The following TMEM161B variants were observed in gnomAD, a reference collection of about 807,000 sequenced individuals.
The protein encoded by TMEM161B is transmembrane protein 161B.
In TMEM161B, 34 loss-of-function variants were observed where a neutral mutation model predicts 61.8. The ratio of observed to expected loss-of-function variants is 0.55; its 90% CI spans 0.42 to 0.73. TMEM161B has a LOEUF of 0.73. Among genes scored for constraint, TMEM161B ranks in the 30% least tolerant of loss-of-function variants. The pLI is 0.00. For synonymous variants in TMEM161B, 167 were observed against 192.8 expected (o/e 0.87, Z 1.11); for missense variants, 456 against 558.5 (o/e 0.82, Z 1.85).
At chr5:88,261,194 A>G (rs1362120363) in intron 1 of TMEM161B, among the ~76,000 whole-genome samples, 1 of 152,160 alleles carries the variant, frequency 6.6e-6, no homozygotes, top group Non-Finnish European at 1.5e-5. Flanking sequence ...AAAAATGAAT[A>G]CTTTGGTATA....
downstream of TMEM161B, among the ~76,000 whole-genome samples, chr5:88,186,459 G>C (rs1458980611): frequency 6.6e-6 from 1 of 152,102 alleles, no homozygotes; most frequent in East Asian, 1.9e-4. Flanking sequence ...CAACTGTGAA[G>C]TGCCTATTCA....
intron 1 of TMEM161B, among the ~76,000 whole-genome samples, chr5:88,260,610 C>T (rs962050681): frequency 6.6e-6 from 1 of 152,098 alleles, no homozygotes; most frequent in African/African-American, 2.4e-5. Flanking sequence ...TGCCAGCACG[C>T]CTCACTAATT....
intron 4 of TMEM161B, among the ~76,000 whole-genome samples, chr5:88,224,958 TG>T (rs1213751171): frequency 1.4e-5 from 2 of 142,812 alleles, no homozygotes; most frequent in Non-Finnish European, 3.1e-5. Context: ...ACACAAAATA[TG>T]TTTTTGTTTT....
Position 88,206,515 on chromosome 5 carries a change from A to T in TMEM161B, c.599-16T>A. ...TTTGTAAACCCTGTGGGGGAAAAAAAAAAAAACAACAGATTACTCTTATCA... is the reference window on the plus strand; with the variant it reads ...TTTGTAAACCCTGTGGGGGAAAAAATAAAAAACAACAGATTACTCTTATCA... On this transcript the variant is annotated splice_polypyrimidine_tract_variant and intron_variant, in intron 6 of 11. Transcript: ENST00000296595. 6.4e-7 allele frequency: 1 copy of T among 1,559,854 alleles called. No homozygotes were observed. The highest frequency in any genetic ancestry group is 8.7e-7 in the Non-Finnish European group (1 of 1,155,010).
At chr5:88,192,012 A>G (rs867534827), downstream of TMEM161B, among the ~76,000 whole-genome samples, 2 of 93,986 alleles carry the variant, frequency 2.1e-5, no homozygotes, top group African/African-American at 9.7e-5. Flanking sequence ...ATATATATAT[A>G]TATATATATA....
chr5:88,236,993 G>A (rs1751961143), intron 2 of TMEM161B, among the ~76,000 whole-genome samples: 1 of 152,100 alleles, frequency 6.6e-6, no homozygotes, highest in African/African-American at 2.4e-5. Flanking sequence ...ACAGTTCCAG[G>A]ACAAGATGTG....
chr5:88,222,761 A>G (rs1749239758), intron 4 of TMEM161B, among the ~76,000 whole-genome samples: 1 of 152,200 alleles, frequency 6.6e-6, no homozygotes, highest in African/African-American at 2.4e-5. Context: ...GGACATCAAT[A>G]ATATATACAT....
At chr5:88,266,784 A>G (rs1756431401) in intron 1 of TMEM161B, among the ~76,000 whole-genome samples, 1 of 152,242 alleles carries the variant, frequency 6.6e-6, no homozygotes, top group South Asian at 2.1e-4. Flanking sequence ...AGCATTAACC[A>G]CACTTGCATA....
chr5:88,189,967 C>T, exon 13 of TMEM161B: 1 of 664,778 alleles, frequency 1.5e-6, no homozygotes, highest in Non-Finnish European at 2.7e-6. Flanking sequence ...AGTACCTTTG[C>T]CGTCTTCTGT....
chr5:88,234,954 T>C (rs575112868), intron 2 of TMEM161B, among the ~76,000 whole-genome samples: 4 of 152,294 alleles, frequency 2.6e-5, no homozygotes, highest in South Asian at 2.1e-4. Context: ...TTTCAGTACA[T>C]AGCTTTTACT....
At chr5:88,210,236 A>G (rs1746432491) in intron 5 of TMEM161B, among the ~76,000 whole-genome samples, 1 of 152,234 alleles carries the variant, frequency 6.6e-6, no homozygotes, top group Non-Finnish European at 1.5e-5. Flanking sequence ...CTCAGCAACA[A>G]CTTAATGTTT....
intron 2 of TMEM161B, 139 bp downstream of exon 2, chr5:88,240,674 T>C: frequency 1.4e-6 from 1 of 722,124 alleles, no homozygotes; most frequent in South Asian, 1.8e-5. Context: ...AAAATTAATT[T>C]TTTAAGAGAA....
chr5:88,252,355 T>C (rs976184060), intron 1 of TMEM161B, among the ~76,000 whole-genome samples: 2 of 152,156 alleles, frequency 1.3e-5, no homozygotes, highest in African/African-American at 4.8e-5. Context: ...CTGAAATGTT[T>C]AATAGAAAGA....
At chr5:88,244,406 CTTGT>C (rs1561404233) in intron 1 of TMEM161B, among the ~76,000 whole-genome samples, 1 of 151,702 alleles carries the variant, frequency 6.6e-6, no homozygotes, top group African/African-American at 2.4e-5. Context: ...TTCCCCATTG[CTTGT>C]TTTTGTTGAT....
At chr5:88,218,365 G>A (rs1368227632) in intron 5 of TMEM161B, among the ~76,000 whole-genome samples, 1 of 152,116 alleles carries the variant, frequency 6.6e-6, no homozygotes, top group Admixed American at 6.6e-5. Context: ...TCACAGACTG[G>A]TAAAGTCCCA....
rs772294661 is a variant in TMEM161B at position 88,203,005 on chromosome 5, C to G, written c.871G>C (p.Asp291His). ...VLLWVKPITK[D>H]YIMNPPLGKE... is the part of the protein sequence containing the mutation. ...CCCAGTGGTGGGTTCATAATGTAGTCTTTGGTGATTGGTTTTACCCAGAGC... is the reference window on the plus strand; with the variant it reads ...CCCAGTGGTGGGTTCATAATGTAGTGTTTGGTGATTGGTTTTACCCAGAGC... The change falls in exon 9 of 12, where the codon GAC becomes CAC. Residue 291 changes from aspartate to histidine, a missense_variant. Transcript: ENST00000296595. 1.2e-6 allele frequency: 2 copies of G among 1,612,016 alleles called. No homozygotes were observed. Among genetic ancestry groups the G allele is most frequent in the Non-Finnish European group, 1.7e-6 (2 of 1,178,432 alleles).
At chr5:88,229,708 C>CA (rs1708586650) in intron 2 of TMEM161B, among the ~76,000 whole-genome samples, 1 of 148,754 alleles carries the variant, frequency 6.7e-6, no homozygotes, top group Non-Finnish European at 1.5e-5. Context: ...TCTTCAATTA[C>CA]AAAAATCTAG....
chr5:88,259,653 T>C (rs2112769547), intron 1 of TMEM161B, among the ~76,000 whole-genome samples: 1 of 152,314 alleles, frequency 6.6e-6, no homozygotes, highest in Admixed American at 6.5e-5. Context: ...GAAAGAATCT[T>C]ATGACTTACT....
chr5:88,227,736 CAG>C (rs1750296765), intron 3 of TMEM161B, among the ~76,000 whole-genome samples: 2 of 152,236 alleles, frequency 1.3e-5, no homozygotes, highest in African/African-American at 2.4e-5. Flanking sequence ...TCAATCATTT[CAG>C]AGTCACAGGG....
Sources: gnomAD v4.1 joint callset for allele counts (sites outside exome capture counted in the v4.1 genomes callset) on GRCh38, gnomAD v4.1.1 for gene constraint, MANE v1.5 for transcripts, NCBI Gene and HGNC (gene_info 2026-07-23, HGNC 2026-07-21) for gene names.